Variants in IL1R1 observed in about 807,000 individuals in gnomAD.
The protein encoded by IL1R1 is interleukin 1 receptor type 1.
IL1R1 carries 22 observed loss-of-function variants against 50.2 expected under a neutral mutation model. That is an observed-to-expected ratio of 0.44 (90% CI 0.31 to 0.63). IL1R1 has a LOEUF of 0.63. Ranked by LOEUF, IL1R1 falls within the 20% of genes least tolerant of loss-of-function variation. The pLI, the probability that IL1R1 is intolerant of heterozygous loss-of-function variation, is 0.07. For missense variants in IL1R1, 509 were observed against 676.2 expected (o/e 0.75, Z 2.74); for synonymous variants, 251 against 236.7 (o/e 1.06, Z -0.55).
At chr2:102,133,037 G>A (rs905071322) in intron 1 of IL1R1, among the ~76,000 whole-genome samples, 2 of 151,634 alleles carry the variant, frequency 1.3e-5, no homozygotes, top group Non-Finnish European at 2.9e-5. Flanking sequence ...GAGGTCAGGA[G>A]ATCAAGACCA....
In IL1R1 at chr2:102,166,214, T is replaced by C. The variant is rs754171271; in HGVS notation, c.588T>C (p.Cys196=). Reference sequence around the variant, plus strand: ...AAAAGCATAGAGGGAACTATACTTGTCATGCATCCTACACATACTTGGGCA... The same window carrying C: ...AAAAGCATAGAGGGAACTATACTTGCCATGCATCCTACACATACTTGGGCA... ...VAEKHRGNYT[C]HASYTYLGKQ... Residue 196 remains cysteine (C), a synonymous_variant, in exon 6 of 12, where the codon TGT becomes TGC. Transcript: ENST00000410023. 1.2e-6 allele frequency: 2 copies of C among 1,613,870 alleles called. No homozygotes were observed. The highest frequency in any genetic ancestry group is 1.7e-6 in the Non-Finnish European group (2 of 1,179,836).
chr2:102,077,478 C>G (rs972602450), intron 1 of IL1R1, among the ~76,000 whole-genome samples: 1 of 152,108 alleles, frequency 6.6e-6, no homozygotes, highest in Non-Finnish European at 1.5e-5. Flanking sequence ...GTTATTTTAC[C>G]TTAAAAAAAT....
intron 1 of IL1R1, among the ~76,000 whole-genome samples, chr2:102,097,185 T>C (rs1324409229): frequency 6.6e-6 from 1 of 152,202 alleles, no homozygotes; most frequent in Non-Finnish European, 1.5e-5. Context: ...GCTTCCTTCC[T>C]GCAACCCTAC....
chr2:102,134,625 A>G (rs955720839), intron 1 of IL1R1, among the ~76,000 whole-genome samples: 15 of 151,840 alleles, frequency 9.9e-5, no homozygotes, highest in Non-Finnish European at 2.1e-4. Flanking sequence ...TGATCCGTCC[A>G]CCTCGGCCTC....
Position 102,110,958 on chromosome 2 carries a change from G to C in IL1R1, c.-84+6086G>C, listed in dbSNP as rs139589121. ...GGTGATTGGGACGGCTCGAGGTGGA[G>C]TGATGAAGTCTGAGGCATGAGAAGG... On this transcript the variant is annotated intron_variant, in intron 1 of 10. Transcript: ENST00000409329. Among the ~76,000 whole-genome samples, 14 of 152,300 alleles carry C rather than the reference G, an allele frequency of 9.2e-5. No homozygotes were observed. The East Asian group carries it at 2.7e-3, about 29-fold the overall frequency.
rs533575027 is a variant in IL1R1, at chr2:102,162,146, C to G, written c.62-2628C>G. On this transcript the variant is annotated intron_variant, in intron 3 of 11. Coordinates refer to ENST00000410023, the MANE Select transcript of IL1R1 (RefSeq NM_000877.4). ...CAAAATCGTGTATATTTACAGTGTA[C>G]AATGTGATGTTTTGGTATATGTATA... 3.9e-5 allele frequency among the ~76,000 whole-genome samples: 6 copies of G among 152,166 alleles called. No individual in the cohort carries two copies. The East Asian group carries it at 9.6e-4, about 24-fold the overall frequency.
intron 1 of IL1R1, among the ~76,000 whole-genome samples, chr2:102,148,865 AAC>A (rs1449146529): frequency 6.6e-6 from 1 of 152,216 alleles, no homozygotes; most frequent in Admixed American, 6.5e-5. Flanking sequence ...ACAAAGGAAT[AAC>A]ACAGGAGGTC....
intron 10 of IL1R1, 66 bp downstream of exon 10, chr2:102,174,796 A>T: frequency 7.3e-7 from 1 of 1,378,772 alleles, no homozygotes; most frequent in Non-Finnish European, 9.8e-7. Context: ...GATGTAGAAG[A>T]TGACTAAGAG....
At chr2:102,175,448 G>T (rs1201137963) in intron 10 of IL1R1, 30 bp from the exon 11 acceptor site, 4 of 1,571,592 alleles carry the variant, frequency 2.5e-6, no homozygotes, top group Admixed American at 3.4e-5. Context: ...TTTGCCTTGT[G>T]GTTCTAAATA....
intron 1 of IL1R1, among the ~76,000 whole-genome samples, chr2:102,125,264 G>C (rs1244198367): frequency 6.6e-6 from 1 of 152,198 alleles, no homozygotes; most frequent in Non-Finnish European, 1.5e-5. Flanking sequence ...CATCATCTTT[G>C]CATCAAGAAT....
chr2:102,118,964 G>A (rs1164206759), intron 1 of IL1R1, among the ~76,000 whole-genome samples: 2 of 140,546 alleles, frequency 1.4e-5, no homozygotes, highest in African/African-American at 5.3e-5. Flanking sequence ...CTTGCGGTGA[G>A]CCGAGATCGC....
chr2:102,176,866 A>T lies in IL1R1; in HGVS notation c.*107A>T. 1 of 1,070,666 alleles carries T rather than the reference A, an allele frequency of 9.3e-7. No individual in the cohort carries two copies. Among genetic ancestry groups the T allele is most frequent in the Non-Finnish European group, 1.4e-6 (1 of 725,118 alleles). 66.3% of individuals were successfully genotyped at this position (1,070,666 alleles called of 1,614,324 possible). On this transcript the variant is annotated 3_prime_UTR_variant, in exon 12 of 12. Coordinates refer to ENST00000410023, the MANE Select transcript of IL1R1 (RefSeq NM_000877.4). ...AGAGTTCATGGAATGTAACTATATC[A>T]TCCTTTATCCCTGAGGTCACCTGGA... is the stretch of plus-strand genomic sequence containing the variant.
upstream of IL1R1, among the ~76,000 whole-genome samples, chr2:102,138,146 G>C (rs1019675025): frequency 6.6e-6 from 1 of 152,214 alleles, no homozygotes; most frequent in Admixed American, 6.5e-5. Flanking sequence ...AGACAGTTCA[G>C]TTCCTGGTGC....
intron 1 of IL1R1, among the ~76,000 whole-genome samples, chr2:102,122,629 G>A (rs988588474): frequency 3.3e-5 from 5 of 152,138 alleles, no homozygotes; most frequent in Non-Finnish European, 7.4e-5. Context: ...GAAGGGCCTC[G>A]TGAAACCCAA....
At chr2:102,120,077 C>G (rs940733445) in intron 1 of IL1R1, among the ~76,000 whole-genome samples, 1 of 152,134 alleles carries the variant, frequency 6.6e-6, no homozygotes, top group Non-Finnish European at 1.5e-5. Context: ...TCATTTACTG[C>G]CTCGGTATAA....
chr2:102,089,016 A>G (rs1409948925), intron 1 of IL1R1, among the ~76,000 whole-genome samples: 2 of 152,180 alleles, frequency 1.3e-5, no homozygotes, highest in African/African-American at 4.8e-5. Flanking sequence ...TATTATTGAC[A>G]CTACTGAAAC....
At chr2:102,098,893 G>A (rs1680015986) in intron 1 of IL1R1, among the ~76,000 whole-genome samples, 1 of 152,098 alleles carries the variant, frequency 6.6e-6, no homozygotes, top group Non-Finnish European at 1.5e-5. Flanking sequence ...TTGTTGATTT[G>A]TATCAGAGAG....
In IL1R1 at chr2:102,166,172, C is replaced by T. The variant is rs762397441; in HGVS notation, c.546C>T (p.Ile182=). 5.6e-6 allele frequency: 9 copies of T among 1,613,572 alleles called. No homozygotes were observed. Among genetic ancestry groups the T allele is most frequent in the Admixed American group, 5.0e-5 (3 of 60,002 alleles). The change falls in exon 6 of 12, where the codon ATC becomes ATT. Residue 182 remains isoleucine, a synonymous_variant. Transcript: ENST00000410023. ...TTAGTGGAGTCAAAGATAGGCTCAT[C>T]GTGATGAATGTGGCTGAAAAGCATA... ...IHFSGVKDRL[I]VMNVAEKHRG... is the part of the protein sequence containing the mutation.
intron 5 of IL1R1, 143 bp downstream of exon 5, chr2:102,165,447 A>G (rs1685104509): frequency 2.2e-6 from 1 of 459,216 alleles, no homozygotes; most frequent in Non-Finnish European, 3.8e-6. Flanking sequence ...ACCTAAAAAG[A>G]ATTGTAAGAC....
Sources: gnomAD v4.1 joint callset for allele counts (sites outside exome capture counted in the v4.1 genomes callset) on GRCh38, gnomAD v4.1.1 for gene constraint, MANE v1.5 for transcripts, NCBI Gene and HGNC (gene_info 2026-07-23, HGNC 2026-07-21) for gene names.